DMXL1: variants seen among roughly 807,000 people sequenced by gnomAD.
DMXL1 encodes the protein Dmx like 1, also known as dmX-like protein 1.
Under a neutral mutation model 319.2 loss-of-function variants are expected in DMXL1, and 99 were observed. That is an observed-to-expected ratio of 0.31 (90% CI 0.26 to 0.37). DMXL1 has a LOEUF of 0.37. Among genes scored for constraint, DMXL1 ranks in the 10% least tolerant of loss-of-function variants. The pLI, the probability that DMXL1 is intolerant of heterozygous loss-of-function variation, is 1.00. For missense variants in DMXL1, 3,745 were observed against 3,595.6 expected (o/e 1.04, Z -1.06); for synonymous variants, 1,385 against 1,235.2 (o/e 1.12, Z -2.54).
At chr5:119,105,051 G>A (rs1418179253) in intron 3 of DMXL1, 129 bp from the exon 4 acceptor site, 1 of 627,066 alleles carries the variant, frequency 1.6e-6, no homozygotes, top group Non-Finnish European at 2.9e-6. Context: ...TTTGTTGACT[G>A]AACTGAACAT....
chr5:119,143,856 G>C lies in DMXL1; in HGVS notation c.2392G>C (p.Val798Leu). 6.3e-7 allele frequency: 1 copy of C among 1,581,082 alleles called. No homozygotes were observed. The highest frequency in any genetic ancestry group is 8.6e-7 in the Non-Finnish European group (1 of 1,164,530). ...NPEISKYVGEVFNIVSQQSTA... is the reference protein window; with the variant it reads ...NPEISKYVGELFNIVSQQSTA... Reference sequence around the variant, plus strand: ...AAAAAAACAGAAATATGTTGGTGAAGTCTTTAACATCGTCAGTCAACAATC... The same window carrying C: ...AAAAAAACAGAAATATGTTGGTGAACTCTTTAACATCGTCAGTCAACAATC... Residue 798 changes from valine to leucine, a missense_variant, in exon 14 of 44, where the codon GTC becomes CTC. Around this residue, in one of 4 missense-constraint regions of DMXL1, gnomAD observed 2,096 missense variants for 1,985.4 expected, o/e 1.06. Transcript: ENST00000539542.
chr5:119,089,382 T>C (rs1317098049), intron 1 of DMXL1, among the ~76,000 whole-genome samples: 4 of 134,940 alleles, frequency 3.0e-5, no homozygotes, highest in Non-Finnish European at 6.2e-5. Context: ...CTCAGCTCAC[T>C]GCAACCTCTG....
At chr5:119,229,602 A>G (rs192620323) in intron 38 of DMXL1, among the ~76,000 whole-genome samples, 1 of 152,210 alleles carries the variant, frequency 6.6e-6, no homozygotes, top group African/African-American at 2.4e-5. Flanking sequence ...GACAAAAATT[A>G]TTCTTTTTCC....
chr5:119,167,132 CTGAT>C (rs1773591647), intron 22 of DMXL1, among the ~76,000 whole-genome samples: 4 of 152,068 alleles, frequency 2.6e-5, no homozygotes, highest in Admixed American at 2.0e-4. Context: ...AAATCCTTAA[CTGAT>C]TATTTCTTAG....
At chr5:119,131,504 C>A (rs909999192) in intron 10 of DMXL1, among the ~76,000 whole-genome samples, 1 of 152,084 alleles carries the variant, frequency 6.6e-6, no homozygotes, top group Non-Finnish European at 1.5e-5. Context: ...TTGGATAAAC[C>A]TGGTACTTTA....
At chr5:119,180,223 CTT>C (rs1776544090) in intron 28 of DMXL1, among the ~76,000 whole-genome samples, 1 of 152,174 alleles carries the variant, frequency 6.6e-6, no homozygotes, top group South Asian at 2.1e-4. Flanking sequence ...CTGTGGGTCT[CTT>C]AACGTATTTG....
Position 119,206,823 on chromosome 5 carries a change from T to C in DMXL1, c.7864-11T>C. The C allele has an allele frequency of 6.7e-7, 1 of 1,502,264 alleles. No individual in the cohort carries two copies. The highest frequency in any genetic ancestry group is 8.9e-7 in the Non-Finnish European group (1 of 1,123,174). 93.1% of individuals were successfully genotyped at this position (1,502,264 alleles called of 1,614,324 possible). ...TACTCTTTGTCATGTGGTTATTCTT[T>C]CTTGATGAAGTCATTAGAGGACAAC... On this transcript the variant is annotated splice_polypyrimidine_tract_variant and intron_variant, in intron 33 of 43. Transcript: ENST00000539542.
chr5:119,122,136 G>T (rs1231517356), intron 9 of DMXL1, among the ~76,000 whole-genome samples: 1 of 135,402 alleles, frequency 7.4e-6, no homozygotes, highest in Non-Finnish European at 1.6e-5. Context: ...CGGGCGGGGG[G>T]CTGACCCCCC....
chr5:119,086,108 T>A (rs1187765036), intron 1 of DMXL1, among the ~76,000 whole-genome samples: 1 of 152,158 alleles, frequency 6.6e-6, no homozygotes, highest in Non-Finnish European at 1.5e-5. Flanking sequence ...GGCCTCACAA[T>A]CATGGCTGAA....
At chr5:119,208,083 C>T (rs773020997) in intron 34 of DMXL1, among the ~76,000 whole-genome samples, 2 of 151,924 alleles carry the variant, frequency 1.3e-5, no homozygotes, top group South Asian at 4.2e-4. Context: ...GTATGTCATT[C>T]ATACTTTCAA....
intron 17 of DMXL1, 98 bp from the exon 18 acceptor site, chr5:119,148,641 T>G: frequency 8.5e-7 from 1 of 1,178,828 alleles, no homozygotes; most frequent in Non-Finnish European, 1.2e-6. Flanking sequence ...TTGTTCATAT[T>G]TATAGTAGTT....
At chr5:119,152,823 AGTTT>A in intron 19 of DMXL1, among the ~76,000 whole-genome samples, 1 of 152,306 alleles carries the variant, frequency 6.6e-6, no homozygotes, top group Admixed American at 6.5e-5. Context: ...GGGACTTTGC[AGTTT>A]AGCCTTTTAG....
At chr5:119,079,854 C>A (rs1421939343) in intron 1 of DMXL1, among the ~76,000 whole-genome samples, 2 of 152,182 alleles carry the variant, frequency 1.3e-5, no homozygotes, top group Non-Finnish European at 2.9e-5. Context: ...CCCTCTTAGT[C>A]ATTCTCAGTG....
chr5:119,120,868 A>G (rs1466501928), intron 8 of DMXL1, 103 bp from the exon 9 acceptor site: 2 of 916,816 alleles, frequency 2.2e-6, no homozygotes, highest in Non-Finnish European at 3.1e-6. Context: ...AACATGTAAA[A>G]TGTTCTGAGC....
At position 119,220,960 on chromosome 5, in the gene DMXL1, T is replaced by C. The variant is rs936902737; in HGVS notation, c.8156T>C (p.Ile2719Thr). 2.5e-5 allele frequency: 41 copies of C among 1,613,428 alleles called. No individual in the cohort carries two copies. Among genetic ancestry groups the C allele is most frequent in the Non-Finnish European group, 3.5e-5 (41 of 1,179,692 alleles). ...ETKGSEDFLV[I>T]HARDDLTAVQ... is the part of the protein sequence containing the mutation. ...TATAGATCAGAAGATTTCTTGGTTA[T>C]ACATGCTCGTGATGATTTAACAGCT... is the stretch of plus-strand genomic sequence containing the variant. The change falls in exon 37 of 44, where the codon ATA becomes ACA. Residue 2719 changes from isoleucine to threonine, a missense_variant. By Grantham distance (89) the Ile-to-Thr change is moderately conservative. Transcript: ENST00000539542.
chr5:119,143,583 A>T (rs1767887075), intron 13 of DMXL1, among the ~76,000 whole-genome samples: 1 of 152,006 alleles, frequency 6.6e-6, no homozygotes, highest in African/African-American at 2.4e-5. Context: ...TTTCACATTT[A>T]TGGATGTAAT....
chr5:119,185,599 T>A (rs2150351193), intron 28 of DMXL1, among the ~76,000 whole-genome samples: 1 of 152,184 alleles, frequency 6.6e-6, no homozygotes, highest in South Asian at 2.1e-4. Context: ...GCCTCCCAGG[T>A]TCAGGTGATT....
chr5:119,122,952 C>CCT (rs1762536919), intron 9 of DMXL1, among the ~76,000 whole-genome samples: 1 of 152,140 alleles, frequency 6.6e-6, no homozygotes, highest in Non-Finnish European at 1.5e-5. Context: ...CCAAGGCAGG[C>CCT]AGCTGGGAGG....
chr5:119,081,677 C>T, intron 1 of DMXL1: 1 of 985,344 alleles, frequency 1.0e-6, no homozygotes, highest in Non-Finnish European at 1.2e-6. Context: ...CCAACTTAGA[C>T]TTTACCAATT....
Sources: gnomAD v4.1 joint callset for allele counts (sites outside exome capture counted in the v4.1 genomes callset) on GRCh38, gnomAD v4.1.1 for gene constraint, gnomAD v4.1.1 regional missense constraint, MANE v1.5 for transcripts, NCBI Gene and HGNC (gene_info 2026-07-23, HGNC 2026-07-21) for gene names.